AGBL4: variants seen among roughly 807,000 people sequenced by gnomAD.
AGBL4 encodes AGBL carboxypeptidase 4.
A neutral mutation model predicts 66.4 loss-of-function variants in AGBL4; 58 were observed. That is an observed-to-expected ratio of 0.87 (90% confidence interval 0.71 to 1.09). AGBL4 has a LOEUF of 1.09. Among genes scored for constraint, AGBL4 ranks in the 50% least tolerant of loss-of-function variants. The pLI is 0.00. For synonymous variants in AGBL4, 234 were observed against 222.9 expected (o/e 1.05, Z -0.44); for missense variants, 579 against 631.0 (o/e 0.92, Z 0.88).
At chr1:49,822,227 G>T (rs918209286) in intron 2 of AGBL4, among the ~76,000 whole-genome samples, 1 of 151,948 alleles carries the variant, frequency 6.6e-6, no homozygotes, top group East Asian at 1.9e-4. Flanking sequence ...AAAATTAAAG[G>T]TATATTTCCA....
At chr1:49,700,867 A>C (rs1212199001) in intron 2 of AGBL4, among the ~76,000 whole-genome samples, 1 of 152,116 alleles carries the variant, frequency 6.6e-6, no homozygotes, top group Non-Finnish European at 1.5e-5. Flanking sequence ...TTCTGTTTTA[A>C]AGAGGTAAAA....
At chr1:49,678,151 C>T (rs1307107823) in intron 3 of AGBL4, among the ~76,000 whole-genome samples, 1 of 152,114 alleles carries the variant, frequency 6.6e-6, no homozygotes, top group Non-Finnish European at 1.5e-5. Flanking sequence ...AGTTATAGAG[C>T]TATTCAAATT....
At chr1:49,072,437 G>T (rs991421189) in intron 4 of AGBL4, among the ~76,000 whole-genome samples, 1 of 152,144 alleles carries the variant, frequency 6.6e-6, no homozygotes, top group Non-Finnish European at 1.5e-5. Context: ...GGCAGGCCTG[G>T]TGGTGACAAA....
intron 3 of AGBL4, among the ~76,000 whole-genome samples, chr1:49,665,668 A>G (rs1205380146): frequency 1.3e-5 from 2 of 152,034 alleles, no homozygotes; most frequent in Non-Finnish European, 2.9e-5. Flanking sequence ...TAACCATCAA[A>G]CCATGAATTT....
At chr1:49,617,881 C>G (rs960858440) in intron 3 of AGBL4, among the ~76,000 whole-genome samples, 1 of 152,132 alleles carries the variant, frequency 6.6e-6, no homozygotes, top group Non-Finnish European at 1.5e-5. Context: ...ACACTTTAAG[C>G]TCTGGAATAC....
chr1:49,903,608 C>T (rs534564293), intron 1 of AGBL4, among the ~76,000 whole-genome samples: 2 of 152,054 alleles, frequency 1.3e-5, no homozygotes, highest in African/African-American at 4.8e-5. Context: ...TTAATATTAC[C>T]TATCCCATAG....
intron 1 of AGBL4, among the ~76,000 whole-genome samples, chr1:49,893,059 A>G (rs1648810911): frequency 6.6e-6 from 1 of 152,186 alleles, no homozygotes; most frequent in African/African-American, 2.4e-5. Context: ...GTTGTCAAGA[A>G]GCTCCCTAAG....
chr1:49,127,270 T>A (rs1449419527), intron 4 of AGBL4, among the ~76,000 whole-genome samples: 1 of 152,076 alleles, frequency 6.6e-6, no homozygotes, highest in African/African-American at 2.4e-5. Context: ...AGATACAGAT[T>A]GGACTCTGCA....
intron 2 of AGBL4, among the ~76,000 whole-genome samples, chr1:49,739,449 G>A (rs898924059): frequency 6.6e-6 from 1 of 152,134 alleles, no homozygotes; most frequent in Admixed American, 6.5e-5. Context: ...TGAAAGTGAC[G>A]GGGAGAATGG....
the AGBL4 span, among the ~76,000 whole-genome samples, chr1:48,526,348 T>C: frequency 6.6e-6 from 1 of 152,226 alleles, no homozygotes; most frequent in Non-Finnish European, 1.5e-5. Context: ...GTCAGATTCC[T>C]TAGTCTCCCT....
chr1:48,592,250 C>G (rs2148349934), intron 9 of AGBL4, among the ~76,000 whole-genome samples: 1 of 152,324 alleles, frequency 6.6e-6, no homozygotes, highest in Non-Finnish European at 1.5e-5. Context: ...AAGGCAAAAT[C>G]TAGCCACCTC....
chr1:49,262,456 C>T (rs1653285417), intron 3 of AGBL4, among the ~76,000 whole-genome samples: 1 of 151,982 alleles, frequency 6.6e-6, no homozygotes, highest in Non-Finnish European at 1.5e-5. Context: ...AACAAATTTA[C>T]AAGAAAAAAA....
chr1:48,987,784 A>G (rs567299652), intron 5 of AGBL4, among the ~76,000 whole-genome samples: 59 of 152,184 alleles, frequency 3.9e-4, no homozygotes, highest in Admixed American at 3.7e-3. Flanking sequence ...CATGTGAAAA[A>G]CCTGATGGAA....
chr1:49,720,521 A>G (rs1321861462), intron 2 of AGBL4, among the ~76,000 whole-genome samples: 1 of 152,122 alleles, frequency 6.6e-6, no homozygotes, highest in Non-Finnish European at 1.5e-5. Flanking sequence ...AGCGATTCCA[A>G]TTTGTTTGTA....
At chr1:48,660,375 G>A (rs1646088064) in intron 7 of AGBL4, among the ~76,000 whole-genome samples, 3 of 152,220 alleles carry the variant, frequency 2.0e-5, no homozygotes, top group Admixed American at 1.3e-4. Flanking sequence ...CAAGGTCACT[G>A]AGCCAGTTAA....
chr1:48,942,862 C>A (rs993343807), intron 5 of AGBL4, among the ~76,000 whole-genome samples: 2 of 152,118 alleles, frequency 1.3e-5, no homozygotes, highest in African/African-American at 2.4e-5. Flanking sequence ...ACTTGCCAAC[C>A]TTTTTAAGGA....
At chr1:48,867,356 G>C (rs1418957857) in intron 5 of AGBL4, 126 bp from the exon 6 acceptor site, 1 of 937,442 alleles carries the variant, frequency 1.1e-6, no homozygotes, top group East Asian at 2.6e-5. Context: ...ACGGAATGTG[G>C]TACTCACTTC....
intron 6 of AGBL4, among the ~76,000 whole-genome samples, chr1:48,690,975 G>T (rs1646620808): frequency 6.6e-6 from 1 of 151,944 alleles, no homozygotes. Context: ...GACCAGCCTG[G>T]CCAATATGGT....
chr1:49,139,119 T>C (rs552600726), intron 4 of AGBL4, among the ~76,000 whole-genome samples: 7 of 152,248 alleles, frequency 4.6e-5, no homozygotes, highest in East Asian at 1.9e-4. Flanking sequence ...TCCACCCTCA[T>C]GATCCAGTCA....
Sources: allele counts gnomAD v4.1 joint callset (sites outside exome capture counted in the v4.1 genomes callset), GRCh38; gene constraint gnomAD v4.1.1; transcripts MANE v1.5; gene names NCBI Gene and HGNC (gene_info 2026-07-23, HGNC 2026-07-21).